Variants in GRIN2B observed in about 807,000 individuals in gnomAD.
GRIN2B encodes glutamate receptor ionotropic, NMDA 2B.
GRIN2B carries 5 observed loss-of-function variants against 114.5 expected under a neutral mutation model. The observed-to-expected ratio is 0.04, with a 90% CI of 0.02 to 0.09. The LOEUF (loss-of-function observed/expected upper bound fraction) is 0.09. Ranked by LOEUF, GRIN2B falls within the 10% of genes least tolerant of loss-of-function variation. GRIN2B has a pLI of 1.00. For synonymous variants in GRIN2B, 787 were observed against 745.1 expected, an observed-to-expected ratio of 1.06 and a Z score of -0.92; for missense variants, 1,108 against 1,943.5, an observed-to-expected ratio of 0.57 and a Z score of 8.08.
chr12:13,829,708 G>A lies in GRIN2B; in HGVS notation c.411+36090C>T, dbSNP rs553380596. Among the ~76,000 whole-genome samples, 27 of 152,322 alleles carry A rather than the reference G, an allele frequency of 1.8e-4. No individual in the cohort carries two copies. In the South Asian group the frequency reaches 2.1e-3, roughly 12 times the overall value. On this transcript the variant is annotated intron_variant, in intron 3 of 13. Transcript: ENST00000609686. ...ATGTGGGAGGGAAGGGAAGTCCTGG[G>A]AAGTCCACCTGTTTAGGTTCAGAAA...
chr12:13,907,226 C>T (rs925677397), intron 2 of GRIN2B, among the ~76,000 whole-genome samples: 2 of 152,186 alleles, frequency 1.3e-5, no homozygotes, highest in African/African-American at 4.8e-5. Flanking sequence ...CGTGGTGGCT[C>T]ATGCCTGTAA....
intron 2 of GRIN2B, among the ~76,000 whole-genome samples, chr12:13,887,914 G>A (rs531467835): frequency 1.3e-5 from 2 of 152,300 alleles, no homozygotes; most frequent in South Asian, 4.2e-4. Context: ...TGGTGACAAT[G>A]GCTCTATCTT....
chr12:13,690,260 C>T (rs966841045), intron 4 of GRIN2B, among the ~76,000 whole-genome samples: 1 of 149,014 alleles, frequency 6.7e-6, no homozygotes, highest in African/African-American at 2.5e-5. Flanking sequence ...CTTCTCATTC[C>T]CACCCACACC....
rs190547570 is a variant in GRIN2B, at chr12:13,860,077, A to T, written c.411+5721T>A. Among the ~76,000 whole-genome samples, 78 of 152,286 alleles carry T rather than the reference A, an allele frequency of 5.1e-4. 1 individual carries two copies. Among genetic ancestry groups the T allele is most frequent in the South Asian group, 3.9e-3 (19 of 4,828 alleles). ...GTTTCAAGATTATGTTGGATATGCA[A>T]ATCCATATGAGCCAAGGGAAGGCAA... On this transcript the variant is annotated intron_variant, in intron 3 of 13. Coordinates refer to ENST00000609686, the MANE Select transcript of GRIN2B (RefSeq NM_000834.5).
intron 10 of GRIN2B, among the ~76,000 whole-genome samples, chr12:13,604,588 A>G (rs1180187617): frequency 1.3e-5 from 2 of 152,202 alleles, no homozygotes; most frequent in Non-Finnish European, 2.9e-5. Context: ...TTGGAAAATA[A>G]TCTTCAAAAT....
chr12:13,955,897 C>A (rs1867581972), intron 2 of GRIN2B, among the ~76,000 whole-genome samples: 1 of 152,132 alleles, frequency 6.6e-6, no homozygotes, highest in Admixed American at 6.5e-5. Context: ...GGGGCCCCAG[C>A]TGCATGGTGG....
chr12:13,837,230 C>T lies in GRIN2B; in HGVS notation c.411+28568G>A, dbSNP rs59347838. Reference sequence around the variant, plus strand: ...TATCCCTAGCTAAAGGAAATCACACCTCTCCCACAAAACACACCCTCTCTT... The same window carrying T: ...TATCCCTAGCTAAAGGAAATCACACTTCTCCCACAAAACACACCCTCTCTT... On this transcript the variant is annotated intron_variant, in intron 3 of 13. Coordinates refer to ENST00000609686, the MANE Select transcript of GRIN2B (RefSeq NM_000834.5). 8.5e-3 allele frequency among the ~76,000 whole-genome samples: 1,289 copies of T among 152,288 alleles called. 19 individuals carry two copies. Among genetic ancestry groups the T allele is most frequent in the African/African-American group, 0.03 (1,260 of 41,546 alleles).
intron 5 of GRIN2B, among the ~76,000 whole-genome samples, chr12:13,639,772 G>A (rs1030103380): frequency 3.9e-5 from 6 of 151,908 alleles, no homozygotes; most frequent in African/African-American, 1.2e-4. Context: ...TTTCTTACCT[G>A]TTTATCCTAT....
In GRIN2B at chr12:13,666,915, G is replaced by A. The variant is rs1949981477; in HGVS notation, c.1125+8830C>T. On this transcript the variant is annotated intron_variant, in intron 5 of 13. Transcript: ENST00000609686. ...AATATGCTATTAATATAGGCACAAAGTAGCTTGTTTGGTGAAAAATATGTA... is the reference window on the plus strand; with the variant it reads ...AATATGCTATTAATATAGGCACAAAATAGCTTGTTTGGTGAAAAATATGTA... Among the ~76,000 whole-genome samples the A allele has an allele frequency of 2.0e-5, 3 of 152,178 alleles. No individual in the cohort carries two copies. The South Asian group carries it at 6.2e-4, about 32-fold the overall frequency.
intron 2 of GRIN2B, among the ~76,000 whole-genome samples, chr12:13,899,261 C>G (rs1310417870): frequency 6.6e-6 from 1 of 151,214 alleles, no homozygotes. Context: ...CAAAAACAAA[C>G]AAACGAAAGA....
intron 11 of GRIN2B, 39 bp downstream of exon 11, chr12:13,571,764 GA>G (rs750650537): frequency 3.7e-6 from 6 of 1,607,264 alleles, no homozygotes; most frequent in Non-Finnish European, 5.1e-6. Context: ...ATAAATGTGA[GA>G]AACAGATCAA....
intron 10 of GRIN2B, among the ~76,000 whole-genome samples, chr12:13,604,245 T>C (rs2136460212): frequency 6.6e-6 from 1 of 152,328 alleles, no homozygotes; most frequent in Non-Finnish European, 1.5e-5. Context: ...CAGCATGTAG[T>C]GGAATAATTC....
rs1019103227 is a variant in GRIN2B, at chr12:13,550,071, G to A, written c.*12712C>T. ...GTTTTGGTTCTGTCAAGAATTTTCT[G>A]TATAATCTTACTTTTGGCTAATTAT... is the stretch of plus-strand genomic sequence containing the variant. On this transcript the variant is annotated 3_prime_UTR_variant, in exon 14 of 14. Coordinates refer to ENST00000609686, the MANE Select transcript of GRIN2B (RefSeq NM_000834.5). 11 of 152,162 alleles carry A rather than the reference G, an allele frequency of 7.2e-5. No individual in the cohort carries two copies. Among genetic ancestry groups the A allele is most frequent in the African/African-American group, 2.7e-4 (11 of 41,448 alleles). The allele number at this position is 152,162 out of a possible 1,614,324, so 9.4% of individuals were successfully genotyped here.
chr12:13,843,843 G>T (rs1350190758), intron 3 of GRIN2B, among the ~76,000 whole-genome samples: 2 of 152,080 alleles, frequency 1.3e-5, no homozygotes, highest in Non-Finnish European at 2.9e-5. Context: ...TGTTATATTG[G>T]CATGCTTGTC....
At chr12:13,964,711 T>C (rs993916976) in intron 2 of GRIN2B, among the ~76,000 whole-genome samples, 2 of 152,178 alleles carry the variant, frequency 1.3e-5, no homozygotes, top group Non-Finnish European at 2.9e-5. Context: ...GAATTGCTGC[T>C]TCAATGTGTG....
chr12:13,745,139 C>T (rs1352163899), intron 4 of GRIN2B, among the ~76,000 whole-genome samples: 2 of 152,136 alleles, frequency 1.3e-5, no homozygotes, highest in Non-Finnish European at 2.9e-5. Context: ...ACCATCTCTG[C>T]TCTCGGGAAG....
At chr12:13,807,578 A>T (rs1433097855) in intron 3 of GRIN2B, among the ~76,000 whole-genome samples, 1 of 152,060 alleles carries the variant, frequency 6.6e-6, no homozygotes, top group Non-Finnish European at 1.5e-5. Flanking sequence ...GAGAGGGAAA[A>T]ACTGTCCAAA....
At chr12:13,906,510 A>G (rs552732170) in intron 2 of GRIN2B, among the ~76,000 whole-genome samples, 76 of 152,358 alleles carry the variant, frequency 5.0e-4, no homozygotes, top group Non-Finnish European at 7.3e-5. Context: ...ATAAATGGTT[A>G]TACCCTAGAA....
At chr12:13,866,842 G>T (rs547789540) in intron 2 of GRIN2B, among the ~76,000 whole-genome samples, 1 of 152,220 alleles carries the variant, frequency 6.6e-6, no homozygotes, top group Non-Finnish European at 1.5e-5. Context: ...TTAAAACATT[G>T]CCTCAATTGA....
Sources: gnomAD v4.1 joint callset for allele counts (sites outside exome capture counted in the v4.1 genomes callset) on GRCh38, gnomAD v4.1.1 for gene constraint, MANE v1.5 for transcripts, NCBI Gene and HGNC (gene_info 2026-07-23, HGNC 2026-07-21) for gene names.